XKR6: variants seen among roughly 807,000 people sequenced by gnomAD.
XKR6 encodes XK related 6.
XKR6 carries 22 observed loss-of-function variants against 56.7 expected under a neutral mutation model. The observed-to-expected ratio is 0.39, with a 90% confidence interval of 0.28 to 0.55. The LOEUF is 0.55. Among genes scored for constraint, XKR6 ranks in the 20% least tolerant of loss-of-function variants. The probability of loss-of-function intolerance (pLI) is 0.66; values close to 1 mark genes in which losing one functional copy is unlikely to be tolerated. For missense variants in XKR6, 852 were observed against 889.0 expected, an observed-to-expected ratio of 0.96 and a Z score of 0.53; for synonymous variants, 524 against 387.8, an observed-to-expected ratio of 1.35 and a Z score of -4.13.
chr8:10,950,399 G>T (rs1020173919), intron 1 of XKR6, among the ~76,000 whole-genome samples: 3 of 152,208 alleles, frequency 2.0e-5, no homozygotes, highest in Non-Finnish European at 2.9e-5. Flanking sequence ...CTGTGCCAGG[G>T]CTGGGGGAGA....
chr8:11,134,689 TAC>T (rs2116909106), intron 1 of XKR6, among the ~76,000 whole-genome samples: 1 of 151,962 alleles, frequency 6.6e-6, no homozygotes, highest in South Asian at 2.1e-4. Flanking sequence ...GCTATCTGAA[TAC>T]ACACACGCAC....
intron 1 of XKR6, among the ~76,000 whole-genome samples, chr8:10,997,163 T>A (rs1798132348): frequency 6.6e-6 from 1 of 152,142 alleles, no homozygotes; most frequent in African/African-American, 2.4e-5. Flanking sequence ...AGCTTTTATG[T>A]ATGCTTTATT....
intron 1 of XKR6, among the ~76,000 whole-genome samples, chr8:11,090,984 A>C (rs1330461730): frequency 6.6e-6 from 1 of 151,778 alleles, no homozygotes; most frequent in African/African-American, 2.4e-5. Flanking sequence ...AAGAGGCACA[A>C]CTCGAGCCCA....
intron 1 of XKR6, among the ~76,000 whole-genome samples, chr8:10,994,627 G>A (rs576176199): frequency 3.9e-5 from 6 of 152,252 alleles, no homozygotes; most frequent in Admixed American, 2.0e-4. Context: ...AGGTGTCTCC[G>A]AGCCTTAAGA....
chr8:10,930,146 G>C (rs912630250), intron 1 of XKR6, among the ~76,000 whole-genome samples: 1 of 152,144 alleles, frequency 6.6e-6, no homozygotes, highest in African/African-American at 2.4e-5. Context: ...AAGACTGGCT[G>C]GGGTAGAAAA....
chr8:10,997,791 T>A (rs1290100031), intron 1 of XKR6, among the ~76,000 whole-genome samples: 1 of 151,942 alleles, frequency 6.6e-6, no homozygotes, highest in Non-Finnish European at 1.5e-5. Flanking sequence ...CTGTCTCCCA[T>A]CCCTCCCAGA....
At chr8:11,122,975 G>A (rs1457555562) in intron 1 of XKR6, among the ~76,000 whole-genome samples, 2 of 151,704 alleles carry the variant, frequency 1.3e-5, no homozygotes, top group South Asian at 2.1e-4. Context: ...AGTGGCTCAC[G>A]CCTGTAATCC....
chr8:11,065,899 GC>G (rs1241987598), intron 1 of XKR6, among the ~76,000 whole-genome samples: 1 of 152,216 alleles, frequency 6.6e-6, no homozygotes, highest in African/African-American at 2.4e-5. Flanking sequence ...ATGTGGCAGG[GC>G]TAAGCAATGG....
chr8:10,950,143 G>A (rs1044252667), intron 1 of XKR6, among the ~76,000 whole-genome samples: 4 of 152,172 alleles, frequency 2.6e-5, no homozygotes, highest in African/African-American at 9.7e-5. Context: ...AGCAGAGAGG[G>A]AGGGGCAGCT....
chr8:11,147,240 C>A (rs1197695498), intron 1 of XKR6, among the ~76,000 whole-genome samples: 5 of 152,050 alleles, frequency 3.3e-5, no homozygotes, highest in African/African-American at 1.2e-4. Flanking sequence ...TAAATAGGTA[C>A]AGCTTTTTAT....
intron 1 of XKR6, among the ~76,000 whole-genome samples, chr8:11,083,680 G>T (rs1420529501): frequency 6.6e-6 from 1 of 152,110 alleles, no homozygotes; most frequent in African/African-American, 2.4e-5. Context: ...ATACGTAAAA[G>T]TCAAAAAATC....
chr8:10,933,167 A>T (rs1183492290), intron 1 of XKR6, among the ~76,000 whole-genome samples: 1 of 132,768 alleles, frequency 7.5e-6, no homozygotes, highest in African/African-American at 3.1e-5. Context: ...GCATTTTTTC[A>T]TGTGTTTTTT....
At chr8:11,178,412 C>G (rs778831392) in intron 1 of XKR6, among the ~76,000 whole-genome samples, 12 of 151,746 alleles carry the variant, frequency 7.9e-5, no homozygotes, top group African/African-American at 2.7e-4. Flanking sequence ...AGAGCACCAC[C>G]TGAATTCCAA....
chr8:10,966,173 G>A (rs976196960), intron 1 of XKR6, among the ~76,000 whole-genome samples: 2 of 152,162 alleles, frequency 1.3e-5, no homozygotes, highest in Non-Finnish European at 2.9e-5. Flanking sequence ...GAGGATTGCT[G>A]AAACACTGAC....
intron 1 of XKR6, chr8:11,137,287 T>A (rs1800451651): frequency 3.8e-6 from 1 of 263,980 alleles, no homozygotes; most frequent in Non-Finnish European, 7.4e-6. Flanking sequence ...GTGCTTTAAG[T>A]TTTAATTTAT....
chr8:10,969,185 G>A (rs998326709), intron 1 of XKR6, among the ~76,000 whole-genome samples: 2 of 152,162 alleles, frequency 1.3e-5, no homozygotes, highest in African/African-American at 4.8e-5. Flanking sequence ...AAGCACTGCA[G>A]GGATCCTGAA....
intron 1 of XKR6, among the ~76,000 whole-genome samples, chr8:11,015,713 G>A (rs900653705): frequency 6.6e-5 from 10 of 152,194 alleles, no homozygotes; most frequent in African/African-American, 1.9e-4. Flanking sequence ...CGAGGGAGCA[G>A]AGAAAGCCGG....
chr8:11,195,000 C>T, intron 1 of XKR6: 1 of 575,580 alleles, frequency 1.7e-6, no homozygotes, highest in Non-Finnish European at 3.1e-6. Context: ...GGTTACTGTT[C>T]ACTCAAAAAC....
chr8:11,118,916 G>T (rs1017768730), intron 1 of XKR6, among the ~76,000 whole-genome samples: 2 of 152,064 alleles, frequency 1.3e-5, no homozygotes, highest in Non-Finnish European at 2.9e-5. Context: ...GTCAATTTTA[G>T]ATCTTTCCTG....
Sources: allele counts gnomAD v4.1 joint callset (sites outside exome capture counted in the v4.1 genomes callset), GRCh38; gene constraint gnomAD v4.1.1; transcripts MANE v1.5; gene names NCBI Gene and HGNC (gene_info 2026-07-23, HGNC 2026-07-21).